The following RBFOX1 variants were observed in gnomAD, a reference collection of about 807,000 sequenced individuals.
The protein encoded by RBFOX1 is RNA binding protein fox-1 homolog 1.
Under a neutral mutation model 57.7 loss-of-function variants are expected in RBFOX1, and 8 were observed. The observed-to-expected ratio is 0.14, with a 90% CI of 0.08 to 0.25. The LOEUF (loss-of-function observed/expected upper bound fraction) is 0.25. RBFOX1 is among the 10% of genes least tolerant of loss of function. RBFOX1 has a pLI of 1.00. For synonymous variants in RBFOX1, 326 were observed against 222.4 expected (o/e 1.47, Z -4.15); for missense variants, 611 against 548.5 (o/e 1.11, Z -1.14).
chr16:6,641,040 C>A (rs192365681), intron 2 of RBFOX1, among the ~76,000 whole-genome samples: 1 of 152,144 alleles, frequency 6.6e-6, no homozygotes, highest in African/African-American at 2.4e-5. Flanking sequence ...GTAAACTCAC[C>A]GTTCTGCATC....
rs546271062 is a variant in RBFOX1 at position 6,164,592 on chromosome 16, A to G, written c.-127+144600A>G. Among the ~76,000 whole-genome samples the G allele has an allele frequency of 4.6e-5, 7 of 151,268 alleles. No homozygotes were observed. The South Asian group carries it at 1.5e-3, about 32-fold the overall frequency. On this transcript the variant is annotated intron_variant, in intron 1 of 15. Coordinates refer to ENST00000550418, the MANE Select transcript of RBFOX1 (RefSeq NM_018723.4). The stretch of plus-strand genomic sequence containing the variant: ...AGCGATTCTCATGCCTCAGCCTCCC[A>G]AGTAGCTGGGACTATAGGTGTGAAC...
intron 1 of RBFOX1, among the ~76,000 whole-genome samples, chr16:6,254,531 C>A (rs1295494931): frequency 6.6e-6 from 1 of 152,078 alleles, no homozygotes. Flanking sequence ...CAAGGTCATA[C>A]CATCTTGGGC....
chr16:5,635,227 G>A (rs3948668), intron 3 of RBFOX1, among the ~76,000 whole-genome samples: 131,659 of 152,270 alleles, frequency 0.86, 57,337 homozygotes, highest in Non-Finnish European at 0.91. Flanking sequence ...TCTGACAAAA[G>A]TCTCAAGCTA....
intron 3 of RBFOX1, among the ~76,000 whole-genome samples, chr16:5,800,130 C>G (rs2055010814): frequency 6.6e-6 from 1 of 151,640 alleles, no homozygotes; most frequent in Non-Finnish European, 1.5e-5. Flanking sequence ...GAAGTAGGTA[C>G]AGAAAACTGT....
chr16:6,580,781 G>A (rs1686022745), intron 2 of RBFOX1, among the ~76,000 whole-genome samples: 1 of 152,108 alleles, frequency 6.6e-6, no homozygotes, highest in South Asian at 2.1e-4. Context: ...AAGCCCTGGA[G>A]TTTAGATTCA....
At chr16:7,273,544 T>G (rs1371135566) in intron 4 of RBFOX1, among the ~76,000 whole-genome samples, 1 of 152,166 alleles carries the variant, frequency 6.6e-6, no homozygotes, top group Admixed American at 6.5e-5. Context: ...ATAGACCAAG[T>G]GGGTTAACCT....
intron 11 of RBFOX1, among the ~76,000 whole-genome samples, chr16:7,649,075 C>A (rs1158685): frequency 1.3e-5 from 2 of 151,788 alleles, no homozygotes; most frequent in Non-Finnish European, 2.9e-5. Context: ...AATTCGGGGC[C>A]AGTCCACAGT....
rs1567535631 is a variant in RBFOX1 at position 5,454,935 on chromosome 16, CTTCCT to C, written c.220-12279_220-12275del. 7.7e-4 allele frequency among the ~76,000 whole-genome samples: 31 copies of C among 40,170 alleles called. 2 individuals carry two copies. In the East Asian group the frequency reaches 0.016, roughly 21 times the overall value. 26.4% of individuals were successfully genotyped at this position (40,170 alleles called of 152,430 possible). On this transcript the variant is annotated intron_variant, in intron 1 of 2. Transcript: ENST00000585867. The stretch of plus-strand genomic sequence containing the variant: ...CTTTCCTTTGTTTCTTTCTTCCTTC[CTTCCT>C]TCCTTCCTTCCTTCCTTCCTTTCTT...
chr16:6,883,722 A>G (rs2063403790), intron 3 of RBFOX1, among the ~76,000 whole-genome samples: 1 of 152,184 alleles, frequency 6.6e-6, no homozygotes, highest in South Asian at 2.1e-4. Context: ...GTTTCTAAGA[A>G]TGATAGAGTC....
At chr16:6,764,383 A>G (rs1432382878) in intron 3 of RBFOX1, among the ~76,000 whole-genome samples, 1 of 152,210 alleles carries the variant, frequency 6.6e-6, no homozygotes, top group African/African-American at 2.4e-5. Context: ...AGTCGGGCCA[A>G]GCAGTGTCTG....
chr16:7,679,877 T>C (rs2074301188), intron 14 of RBFOX1, among the ~76,000 whole-genome samples: 1 of 152,162 alleles, frequency 6.6e-6, no homozygotes, highest in Non-Finnish European at 1.5e-5. Context: ...GGTAATTTTA[T>C]AGTCTCATTG....
chr16:5,871,703 G>A (rs2057477004), intron 4 of RBFOX1, among the ~76,000 whole-genome samples: 1 of 152,100 alleles, frequency 6.6e-6, no homozygotes, highest in African/African-American at 2.4e-5. Flanking sequence ...CCAAACAAAG[G>A]AGGTTATAGA....
chr16:7,699,952 A>G (rs937480629), intron 14 of RBFOX1, among the ~76,000 whole-genome samples: 1 of 152,116 alleles, frequency 6.6e-6, no homozygotes, highest in Non-Finnish European at 1.5e-5. Flanking sequence ...TAATCTGGAC[A>G]TTGTCAGTGT....
chr16:5,514,116 C>T (rs2043701973), intron 2 of RBFOX1, among the ~76,000 whole-genome samples: 2 of 152,118 alleles, frequency 1.3e-5, no homozygotes, highest in South Asian at 4.1e-4. Context: ...AGGTAATAAA[C>T]TACCCCAAAA....
At chr16:6,451,598 C>G (rs1317982367) in intron 2 of RBFOX1, among the ~76,000 whole-genome samples, 2 of 152,150 alleles carry the variant, frequency 1.3e-5, no homozygotes, top group Admixed American at 1.3e-4. Context: ...AATAATTCAC[C>G]ACTCTCTAAC....
intron 4 of RBFOX1, among the ~76,000 whole-genome samples, chr16:7,395,978 C>G (rs1156840226): frequency 6.6e-6 from 1 of 152,160 alleles, no homozygotes; most frequent in African/African-American, 2.4e-5. Context: ...TTGGGAGCAT[C>G]TATCGGCAGG....
At chr16:5,527,027 G>T (rs867908101) in intron 2 of RBFOX1, among the ~76,000 whole-genome samples, 3 of 152,146 alleles carry the variant, frequency 2.0e-5, no homozygotes, top group Non-Finnish European at 2.9e-5. Flanking sequence ...TCAGCATAGC[G>T]CTTGGGACGG....
chr16:6,687,404 A>C (rs1316268509), intron 3 of RBFOX1, among the ~76,000 whole-genome samples: 5 of 152,212 alleles, frequency 3.3e-5, no homozygotes, highest in African/African-American at 1.2e-4. Context: ...TCACCCATGT[A>C]ACCAAAAACC....
intron 2 of RBFOX1, among the ~76,000 whole-genome samples, chr16:6,528,876 A>T (rs1183900044): frequency 1.3e-5 from 2 of 152,180 alleles, no homozygotes; most frequent in East Asian, 1.9e-4. Context: ...GCATTCCCAA[A>T]TGTCTCCTGG....
Sources: allele counts gnomAD v4.1 joint callset (sites outside exome capture counted in the v4.1 genomes callset), GRCh38; gene constraint gnomAD v4.1.1; transcripts MANE v1.5; gene names NCBI Gene and HGNC (gene_info 2026-07-23, HGNC 2026-07-21).